The following GLUL variants were observed in gnomAD, a reference collection of about 807,000 sequenced individuals.
GLUL encodes the protein glutamate-ammonia ligase.
Under a neutral mutation model 36.9 loss-of-function variants are expected in GLUL, and 8 were observed. That is an observed-to-expected ratio of 0.22 (90% confidence interval 0.13 to 0.39). The LOEUF (loss-of-function observed/expected upper bound fraction) is 0.39. GLUL is among the 10% of genes least tolerant of loss of function. The probability of loss-of-function intolerance (pLI) is 1.00; values close to 1 mark genes in which losing one functional copy is unlikely to be tolerated. For missense variants in GLUL, 315 were observed against 501.8 expected (o/e 0.63, Z 3.56); for synonymous variants, 182 against 172.8 (o/e 1.05, Z -0.42).
At position 182,385,652 on chromosome 1, in the gene GLUL, C is replaced by T. The variant is rs887797700; in HGVS notation, c.604-96G>A. 92 of 1,558,068 alleles carry T rather than the reference C, an allele frequency of 5.9e-5. 1 individual carries two copies. Among genetic ancestry groups the T allele is most frequent in the Middle Eastern group, 1.7e-4 (1 of 5,982 alleles). On this transcript the variant is annotated intron_variant, in intron 5 of 6. Coordinates refer to ENST00000331872, the MANE Select transcript of GLUL (RefSeq NM_001033044.4). ...TTCTCTTCTCACCTGTACTCCAACC[C>T]GTTCTTAGGTTTTGGGTTAGTGAGT...
At chr1:182,388,842 C>CAGAG in intron 1 of GLUL, 92 bp from the exon 2 acceptor site, 1 of 984,446 alleles carries the variant, frequency 1.0e-6, no homozygotes, top group Non-Finnish European at 1.6e-6. Context: ...AATCAAAAGT[C>CAGAG]AGAGTGTAAG....
At position 182,383,107 on chromosome 1, in the gene GLUL, GAAAA is replaced by G. The variant is rs754509688; in HGVS notation, c.*1294_*1297del. The G allele has an allele frequency of 6.6e-6, 1 of 151,614 alleles. No individual in the cohort carries two copies. Among genetic ancestry groups the G allele is most frequent in the Non-Finnish European group, 1.5e-5 (1 of 67,880 alleles). The allele number at this position is 151,614 out of a possible 1,614,324, so 9.4% of individuals were successfully genotyped here. ...GTGGGGTTTATTCCTTATTATAAAA[GAAAA>G]AAAATAATTCTTCAGCAGTCTTAAC... On this transcript the variant is annotated 3_prime_UTR_variant, in exon 7 of 7. Transcript: ENST00000331872.
Position 182,380,149 on chromosome 1 carries a change from T to G in GLUL, c.*4256A>C, listed in dbSNP as rs6679475. Among the ~76,000 whole-genome samples, 1,183 of 152,308 alleles carry G rather than the reference T, an allele frequency of 7.8e-3. 16 individuals carry two copies. Among genetic ancestry groups the G allele is most frequent in the African/African-American group, 0.027 (1,122 of 41,552 alleles). ...AGGCATGAGCCACTGTGCCTGGCAG[T>G]TATAACTCTTAAAGCAACACAAGGC... On this transcript the variant is annotated 3_prime_UTR_variant, in exon 7 of 7. Coordinates refer to ENST00000331872, the MANE Select transcript of GLUL (RefSeq NM_001033044.4).
chr1:182,390,374 C>T (rs995305281), intron 1 of GLUL: 1 of 397,928 alleles, frequency 2.5e-6, no homozygotes, highest in Admixed American at 4.4e-5. Flanking sequence ...CAGCCTAGTG[C>T]CACTCTATCA....
rs993955517 is a variant in GLUL at position 182,387,393 on chromosome 1, C to G, written c.167-101G>C. On this transcript the variant is annotated intron_variant, in intron 2 of 6. Coordinates refer to ENST00000331872, the MANE Select transcript of GLUL (RefSeq NM_001033044.4). ...CACTCACCTTCCCATCTCTAAATAT[C>G]TCTTTTCCAGGAATTCATTAAGGTA... is the stretch of plus-strand genomic sequence containing the variant. The G allele has an allele frequency of 1.1e-5, 10 of 871,114 alleles. No homozygotes were observed. In the African/African-American group the frequency reaches 1.2e-4, roughly 10 times the overall value. The allele number at this position is 871,114 out of a possible 1,614,324, so 54.0% of individuals were successfully genotyped here. A position where few individuals can be genotyped will look rare whatever the true frequency, so the allele number is the denominator to read the frequency against.
intron 6 of GLUL, 63 bp downstream of exon 6, chr1:182,385,294 T>C (rs1571405349): frequency 2.4e-6 from 3 of 1,246,864 alleles, no homozygotes; most frequent in Non-Finnish European, 3.6e-6. Context: ...GAGAGATTGC[T>C]AAGTCTCCTC....
chr1:182,384,521 A>T lies in GLUL; in HGVS notation c.1006T>A (p.Tyr336Asn). The T allele has an allele frequency of 6.2e-7, 1 of 1,614,124 alleles. No individual in the cohort carries two copies. Among genetic ancestry groups the T allele is most frequent in the Non-Finnish European group, 8.5e-7 (1 of 1,179,960 alleles). Residue 336 changes from tyrosine to asparagine, a missense_variant, in exon 7 of 7, where the codon TAC (tyrosine) becomes AAC (asparagine). By Grantham distance (143) the Tyr-to-Asn change is moderately radical. Coordinates refer to ENST00000331872, the MANE Select transcript of GLUL (RefSeq NM_001033044.4). ...GCAGAGGGGCGACGATCTTCAAAGT[A>T]ACCCTTCTTCTCCTGGCCAACAGTC... Reference protein sequence around the residue: ...PRTVGQEKKGYFEDRRPSANC... With the variant: ...PRTVGQEKKGNFEDRRPSANC...
chr1:182,388,895 T>C, intron 1 of GLUL, 145 bp from the exon 2 acceptor site: 3 of 707,670 alleles, frequency 4.2e-6, no homozygotes, highest in East Asian at 2.7e-5. Flanking sequence ...CAAAAAGTTA[T>C]GTTTACTCAC....
chr1:182,391,061 G>A lies in GLUL; in HGVS notation c.-14+618C>T, dbSNP rs1650397325. ...GGGACTGCGCGCTGCTGCTGCCTCC[G>A]CCCGGACCGGCTTCTCCACTGACTG... On this transcript the variant is annotated intron_variant, in intron 1 of 6. Transcript: ENST00000331872. 1.3e-5 allele frequency: 5 copies of A among 397,616 alleles called. No individual in the cohort carries two copies. In the South Asian group the frequency reaches 6.5e-4, roughly 52 times the overall value. 24.6% of individuals were successfully genotyped at this position (397,616 alleles called of 1,614,324 possible). A position where few individuals can be genotyped will look rare whatever the true frequency, so the allele number is the denominator to read the frequency against.
At position 182,380,999 on chromosome 1, in the gene GLUL, C is replaced by A. The variant is rs745469487; in HGVS notation, c.*3406G>T. 6.6e-6 allele frequency among the ~76,000 whole-genome samples: 1 copy of A among 152,232 alleles called. No individual in the cohort carries two copies. The highest frequency in any genetic ancestry group is 1.5e-5 in the Non-Finnish European group (1 of 68,044). On this transcript the variant is annotated 3_prime_UTR_variant, in exon 7 of 7. Transcript: ENST00000331872. ...GTGCAGTGGCTCACGCCTGTAATCC[C>A]AGCACTTTGGGAGGTGGAGGAGTTC...
chr1:182,390,484 C>G (rs1436514425), intron 1 of GLUL: 1 of 399,132 alleles, frequency 2.5e-6, no homozygotes. Context: ...GTCCTCCCTG[C>G]CCCCTCACTC....
In GLUL at chr1:182,385,828, G is replaced by T; in HGVS notation, c.535C>A (p.His179Asn). 6.2e-7 allele frequency: 1 copy of T among 1,613,772 alleles called. No individual in the cohort carries two copies. Among genetic ancestry groups the T allele is most frequent in the East Asian group, 2.2e-5 (1 of 44,868 alleles). ...CCAGCATACAAGCAGGCCCGGTAATGGGCCTCCACGATGTCCCTGCCATAG... is the reference window on the plus strand; with the variant it reads ...CCAGCATACAAGCAGGCCCGGTAATTGGCCTCCACGATGTCCCTGCCATAG... ...RAYGRDIVEA[H>N]YRACLYAGVK... The change falls in exon 5 of 7, where the codon CAT (histidine) becomes AAT (asparagine). Residue 179 changes from histidine to asparagine, a missense_variant. Around this residue, in one of 3 missense-constraint regions of GLUL, gnomAD observed 256 missense variants for 396.1 expected, o/e 0.65. Transcript: ENST00000331872.
At position 182,386,411 on chromosome 1, in the gene GLUL, AAG is replaced by A. The variant is rs370278701; in HGVS notation, c.329-11_329-10del. ...GTGCCTCAAATTGGTCTCTAGAAAA[AAG>A]AGTCAATAATACGCCATCAGGGATC... On this transcript the variant is annotated splice_polypyrimidine_tract_variant and intron_variant, in intron 3 of 6. Coordinates refer to ENST00000331872, the MANE Select transcript of GLUL (RefSeq NM_001033044.4). 4 of 1,597,824 alleles carry A rather than the reference AAG, an allele frequency of 2.5e-6. No individual in the cohort carries two copies. Among genetic ancestry groups the A allele is most frequent in the East Asian group, 4.5e-5 (2 of 44,798 alleles).
chr1:182,388,622 CCTT>C lies in GLUL; in HGVS notation c.113_115del (p.Glu38del). ...CAGGGTCCGGGTCTTGCAGCGCAGTCCTTCTCCAGTACCATCGATCCAGATATA... is the reference window on the plus strand; with the variant it reads ...CAGGGTCCGGGTCTTGCAGCGCAGTCCTCCAGTACCATCGATCCAGATATA... On this transcript the variant is annotated inframe_deletion, in exon 2 of 7. Transcript: ENST00000331872. The C allele has an allele frequency of 6.2e-7, 1 of 1,613,942 alleles. No homozygotes were observed. The highest frequency in any genetic ancestry group is 8.5e-7 in the Non-Finnish European group (1 of 1,179,850).
chr1:182,390,229 CAAAAA>C (rs201924233), intron 1 of GLUL: 2 of 266,438 alleles, frequency 7.5e-6, no homozygotes, highest in Non-Finnish European at 1.4e-5. Flanking sequence ...TGTCGGAAAA[CAAAAA>C]AAAAAAACCT....
At chr1:182,386,573 A>C in intron 3 of GLUL, 171 bp from the exon 4 acceptor site, 1 of 695,198 alleles carries the variant, frequency 1.4e-6, no homozygotes. Flanking sequence ...AAATGAGAGA[A>C]GCTGTTAATT....
chr1:182,391,087 C>A, intron 1 of GLUL: 1 of 398,452 alleles, frequency 2.5e-6, no homozygotes, highest in East Asian at 3.6e-5. Context: ...CCACTGACTG[C>A]GCCGAGGCCC....
rs1019260908 is a variant in GLUL, at chr1:182,380,150, T to C, written c.*4255A>G. Reference sequence around the variant, plus strand: ...GGCATGAGCCACTGTGCCTGGCAGTTATAACTCTTAAAGCAACACAAGGCT... The same window carrying C: ...GGCATGAGCCACTGTGCCTGGCAGTCATAACTCTTAAAGCAACACAAGGCT... On this transcript the variant is annotated 3_prime_UTR_variant, in exon 7 of 7. Transcript: ENST00000331872. 6.6e-6 allele frequency among the ~76,000 whole-genome samples: 1 copy of C among 152,214 alleles called. No homozygotes were observed. The highest frequency in any genetic ancestry group is 1.5e-5 in the Non-Finnish European group (1 of 68,040).
In GLUL at chr1:182,381,551, T is replaced by C. The variant is rs1414206752; in HGVS notation, c.*2854A>G. Reference sequence around the variant, plus strand: ...TTAGAAATACAAGGGGATTGCACTGTGACCTGTAGGTCAAAGCTAATTCTA... The same window carrying C: ...TTAGAAATACAAGGGGATTGCACTGCGACCTGTAGGTCAAAGCTAATTCTA... On this transcript the variant is annotated 3_prime_UTR_variant, in exon 7 of 7. Transcript: ENST00000331872. Among the ~76,000 whole-genome samples the C allele has an allele frequency of 6.6e-6, 1 of 152,182 alleles. No individual in the cohort carries two copies. Among genetic ancestry groups the C allele is most frequent in the Non-Finnish European group, 1.5e-5 (1 of 68,036 alleles).
Sources: allele counts gnomAD v4.1 joint callset (sites outside exome capture counted in the v4.1 genomes callset), GRCh38; gene constraint gnomAD v4.1.1; regional missense constraint gnomAD v4.1.1; transcripts MANE v1.5; gene names NCBI Gene and HGNC (gene_info 2026-07-23, HGNC 2026-07-21).